Variants in ZNF256 observed in about 807,000 individuals in gnomAD.
The protein encoded by ZNF256 is zinc finger protein 256.
In ZNF256, 4 loss-of-function variants were observed where a neutral mutation model predicts 7.9. The observed-to-expected ratio is 0.50, with a 90% CI of 0.25 to 1.15. The LOEUF is 1.15. ZNF256 is among the 50% of genes most tolerant of loss of function. ZNF256 has a pLI of 0.15. For missense variants in ZNF256, 666 were observed against 755.9 expected (o/e 0.88, Z 1.39); for synonymous variants, 260 against 260.4 (o/e 1.00, Z 0.02).
chr19:57,946,947 C>T (rs2072770162), intron 1 of ZNF256, among the ~76,000 whole-genome samples: 1 of 152,212 alleles, frequency 6.6e-6, no homozygotes, highest in Non-Finnish European at 1.5e-5. Flanking sequence ...CTAACATGGA[C>T]ATAGGACCCT....
In ZNF256 at chr19:57,942,133, T is replaced by C. The variant is rs975247236; in HGVS notation, c.675A>G (p.Val225=). ...TGAGGTCTCCCTGGTGCTGAACACG[T>C]ACATGTTTGTAGCTGAAAGCTTTCA... ...ECVKAFSYKH[V]RVQHQGDLIR... Residue 225 remains valine (V), a synonymous_variant, in exon 3 of 3, where the codon GTA becomes GTG. Transcript: ENST00000282308. 6.2e-7 allele frequency: 1 copy of C among 1,614,272 alleles called. No homozygotes were observed.
At chr19:57,946,593 C>G (rs2072767810) in intron 1 of ZNF256, among the ~76,000 whole-genome samples, 1 of 152,152 alleles carries the variant, frequency 6.6e-6, no homozygotes, top group South Asian at 2.1e-4. Flanking sequence ...CTCACTTGGA[C>G]TAGTCTACCC....
intron 2 of ZNF256, 52 bp from the exon 3 acceptor site, chr19:57,942,699 G>A (rs895805869): frequency 6.4e-7 from 1 of 1,572,118 alleles, no homozygotes; most frequent in African/African-American, 1.4e-5. Flanking sequence ...GTGGAGTGGA[G>A]GTAGCCCACA....
At chr19:57,943,142 A>G (rs1464789957) in intron 2 of ZNF256, among the ~76,000 whole-genome samples, 1 of 152,252 alleles carries the variant, frequency 6.6e-6, no homozygotes, top group African/African-American at 2.4e-5. Context: ...TGGAAGTAAG[A>G]GACGTAGTAA....
chr19:57,940,854 T>C lies in ZNF256; in HGVS notation c.*70A>G. 1 of 1,439,432 alleles carries C rather than the reference T, an allele frequency of 6.9e-7. No homozygotes were observed. The highest frequency in any genetic ancestry group is 1.4e-5 in the South Asian group (1 of 71,790). The allele number at this position is 1,439,432 out of a possible 1,614,324, so 89.2% of individuals were successfully genotyped here. A position where few individuals can be genotyped will look rare whatever the true frequency, so the allele number is the denominator to read the frequency against. On this transcript the variant is annotated 3_prime_UTR_variant, in exon 3 of 3. Transcript: ENST00000282308. ...ATGGTTATTGAAAATACGTATTTAT[T>C]TATTTATGTCTGTGAATTTTGCAGG...
chr19:57,941,048 C>A lies in ZNF256; in HGVS notation c.1760G>T (p.Ser587Ile), dbSNP rs550722312. The change falls in exon 3 of 3, where the codon AGC becomes ATC. Residue 587 changes from serine to isoleucine, a missense_variant. Physicochemically the swap from Ser to Ile is moderately radical, Grantham distance 142. Transcript: ENST00000282308. ...TCGCTGGTGATTAGTGAGGTTAGAG[C>A]TCTGGCTAAAGGATTTTCCACATTC... ...CSECGKSFSQ[S>I]SNLTNHQRIH... is the part of the protein sequence containing the mutation. 1 of 1,614,144 alleles carries A rather than the reference C, an allele frequency of 6.2e-7. No homozygotes were observed. The highest frequency in any genetic ancestry group is 1.1e-5 in the South Asian group (1 of 91,080).
chr19:57,947,391 C>T, intron 1 of ZNF256, 51 bp downstream of exon 1: 1 of 1,245,858 alleles, frequency 8.0e-7, no homozygotes, highest in Non-Finnish European at 1.0e-6. Flanking sequence ...CTCGGGGGTG[C>T]TAGGACTAGC....
Position 57,941,338 on chromosome 19 carries a change from A to G in ZNF256, c.1470T>C (p.Pro490=). 1 of 1,614,064 alleles carries G rather than the reference A, an allele frequency of 6.2e-7. No individual in the cohort carries two copies. The highest frequency in any genetic ancestry group is 8.5e-7 in the Non-Finnish European group (1 of 1,180,014). ...ATTTCCCACACTCCCCACATTCATA[A>G]GGCCTTGCTCCAGTATGAACTTTCC... ...SHWKVHTGAR[P]YECGECGKSF... Residue 490 remains proline, a synonymous_variant, in exon 3 of 3, where the codon CCT becomes CCC. Coordinates refer to ENST00000282308, the MANE Select transcript of ZNF256 (RefSeq NM_005773.3).
In ZNF256 at chr19:57,946,169, A is replaced by G. The variant is rs111752497; in HGVS notation, c.33+1273T>C. On this transcript the variant is annotated intron_variant, in intron 1 of 2. Coordinates refer to ENST00000282308, the MANE Select transcript of ZNF256 (RefSeq NM_005773.3). ...GTCTTGGCCCACTAACAGCTTTACA[A>G]CCAAAACCTGGAGCTTGCCCCGCCT... Among the ~76,000 whole-genome samples the G allele has an allele frequency of 2.1e-3, 318 of 152,102 alleles. 1 individual carries two copies. Among genetic ancestry groups the G allele is most frequent in the African/African-American group, 7.2e-3 (297 of 41,482 alleles).
At chr19:57,944,117 T>C in intron 1 of ZNF256, 57 bp from the exon 2 acceptor site, 1 of 1,606,554 alleles carries the variant, frequency 6.2e-7, no homozygotes, top group South Asian at 1.1e-5. Flanking sequence ...GGATCCATAA[T>C]CCTTCCCCTC....
At chr19:57,946,887 C>G (rs1210161029) in intron 1 of ZNF256, among the ~76,000 whole-genome samples, 2 of 152,178 alleles carry the variant, frequency 1.3e-5, no homozygotes, top group Non-Finnish European at 2.9e-5. Context: ...GAAAAACTTT[C>G]CACACCCGTT....
intron 1 of ZNF256, among the ~76,000 whole-genome samples, chr19:57,947,230 C>A (rs1340834160): frequency 1.3e-5 from 2 of 152,364 alleles, no homozygotes; most frequent in East Asian, 3.9e-4. Flanking sequence ...GGCTGTGTCA[C>A]CTCTGTGCCC....
chr19:57,941,618 T>A lies in ZNF256; in HGVS notation c.1190A>T (p.His397Leu). Reference sequence around the variant, plus strand: ...CCCTTCTCCAATGTGAAGTCTCCGGTGTTTAATGAGGTGACAGCTCTGGCT... The same window carrying A: ...CCCTTCTCCAATGTGAAGTCTCCGGAGTTTAATGAGGTGACAGCTCTGGCT... ...SFSQSCHLIK[H>L]RRLHIGEGPY... Residue 397 changes from histidine to leucine, a missense_variant, in exon 3 of 3, where the codon CAC becomes CTC. Transcript: ENST00000282308. 1 of 1,614,216 alleles carries A rather than the reference T, an allele frequency of 6.2e-7. No homozygotes were observed. Among genetic ancestry groups the A allele is most frequent in the Non-Finnish European group, 8.5e-7 (1 of 1,180,038 alleles).
chr19:57,944,281 T>C (rs1251224549), intron 1 of ZNF256, among the ~76,000 whole-genome samples: 1 of 152,162 alleles, frequency 6.6e-6, no homozygotes, highest in Non-Finnish European at 1.5e-5. Context: ...AATACATGTA[T>C]CTAAGCTGTG....
chr19:57,947,672 A>AT lies in ZNF256; in HGVS notation c.-199_-198insA. ...CAAGTAATCAGTCCAGACAAATGCC[A>AT]AAACGACCGCCACAAGGAGGACAAC... On this transcript the variant is annotated 5_prime_UTR_variant, in exon 1 of 3. The change creates a new upstream start codon in the 5' untranslated region. Coordinates refer to ENST00000282308, the MANE Select transcript of ZNF256 (RefSeq NM_005773.3). 1 of 463,080 alleles carries AT rather than the reference A, an allele frequency of 2.2e-6. No homozygotes were observed. The highest frequency in any genetic ancestry group is 3.5e-6 in the Non-Finnish European group (1 of 283,026). The allele number at this position is 463,080 out of a possible 1,614,324, so 28.7% of individuals were successfully genotyped here. A position where few individuals can be genotyped will look rare whatever the true frequency, so the allele number is the denominator to read the frequency against.
chr19:57,946,949 T>C (rs577848622), intron 1 of ZNF256, among the ~76,000 whole-genome samples: 220 of 152,248 alleles, frequency 1.4e-3, no homozygotes, highest in African/African-American at 5.2e-3. Flanking sequence ...AACATGGACA[T>C]AGGACCCTGG....
At chr19:57,944,842 A>C (rs1452113715) in intron 1 of ZNF256, among the ~76,000 whole-genome samples, 2 of 152,254 alleles carry the variant, frequency 1.3e-5, no homozygotes, top group African/African-American at 4.8e-5. Flanking sequence ...AAGAACAAAA[A>C]AAAAGAGTGG....
chr19:57,946,994 G>A (rs1413577724), intron 1 of ZNF256, among the ~76,000 whole-genome samples: 3 of 152,232 alleles, frequency 2.0e-5, no homozygotes, highest in Non-Finnish European at 4.4e-5. Context: ...AGAACTAAGG[G>A]CTGGGGGAAT....
chr19:57,944,293 G>C (rs2072751404), intron 1 of ZNF256, among the ~76,000 whole-genome samples: 2 of 152,276 alleles, frequency 1.3e-5, no homozygotes, highest in South Asian at 2.1e-4. Context: ...TAAGCTGTGG[G>C]CGTGGCATAA....
Sources: allele counts gnomAD v4.1 joint callset (sites outside exome capture counted in the v4.1 genomes callset), GRCh38; gene constraint gnomAD v4.1.1; transcripts MANE v1.5; gene names NCBI Gene and HGNC (gene_info 2026-07-23, HGNC 2026-07-21).